Variants in DNAJC11 observed in about 807,000 individuals in gnomAD.
DNAJC11 encodes DnaJ heat shock protein family (Hsp40) member C11.
In DNAJC11, 15 loss-of-function variants were observed where a neutral mutation model predicts 78.6. The ratio of observed to expected loss-of-function variants is 0.19; its 90% confidence interval spans 0.13 to 0.29. The LOEUF is 0.29. Among genes scored for constraint, DNAJC11 ranks in the 10% least tolerant of loss-of-function variants. The pLI, the probability that DNAJC11 is intolerant of heterozygous loss-of-function variation, is 1.00. For synonymous variants in DNAJC11, 292 were observed against 272.1 expected, an observed-to-expected ratio of 1.07 and a Z score of -0.72; for missense variants, 547 against 709.6, an observed-to-expected ratio of 0.77 and a Z score of 2.60.
chr1:6,657,634 T>G (rs1040741517), intron 4 of DNAJC11, among the ~76,000 whole-genome samples: 1 of 152,216 alleles, frequency 6.6e-6, no homozygotes, highest in African/African-American at 2.4e-5. Flanking sequence ...TGTAGATACA[T>G]GCCCCAAATA....
Position 6,634,174 on chromosome 1 carries a change from T to G in DNAJC11, c.*1501A>C. 2 of 1,300,162 alleles carry G rather than the reference T, an allele frequency of 1.5e-6. No homozygotes were observed. Among genetic ancestry groups the G allele is most frequent in the Non-Finnish European group, 1.1e-6 (1 of 913,326 alleles). 80.5% of individuals were successfully genotyped at this position (1,300,162 alleles called of 1,614,324 possible). On this transcript the variant is annotated 3_prime_UTR_variant, in exon 16 of 16. Transcript: ENST00000377577. ...ACACGGAAGAGCGCCAGCCTCTGCT[T>G]TCAGGAAAGGTTTATTGTGGTGAGT...
At chr1:6,659,761 CAA>C (rs1642180560) in intron 4 of DNAJC11, among the ~76,000 whole-genome samples, 1 of 150,016 alleles carries the variant, frequency 6.7e-6, no homozygotes, top group South Asian at 2.1e-4. Context: ...AACTCTGTCT[CAA>C]AAACAATACC....
At chr1:6,643,892 A>T in intron 10 of DNAJC11, among the ~76,000 whole-genome samples, 1 of 151,338 alleles carries the variant, frequency 6.6e-6, no homozygotes, top group African/African-American at 2.4e-5. Context: ...TTTTTTTGAG[A>T]TGGAGTCTCA....
In DNAJC11 at chr1:6,638,315, T is replaced by G. The variant is rs773708089; in HGVS notation, c.1303A>C (p.Lys435Gln). The G allele has an allele frequency of 5.6e-6, 9 of 1,613,220 alleles. No individual in the cohort carries two copies. The highest frequency in any genetic ancestry group is 4.5e-5 in the East Asian group (2 of 44,842). The change falls in exon 12 of 16, where the codon AAG becomes CAG. Residue 435 changes from lysine (K) to glutamine (Q), a missense_variant. Coordinates refer to ENST00000377577, the MANE Select transcript of DNAJC11 (RefSeq NM_018198.4). ...ESAATDVLQK[K>Q]QEAESAVRLM... Reference sequence around the variant, plus strand: ...CTCACAGCGGACTCCGCCTCTTGCTTCTTCTGCAGCACATCGGTGGCGGCG... The same window carrying G: ...CTCACAGCGGACTCCGCCTCTTGCTGCTTCTGCAGCACATCGGTGGCGGCG...
intron 1 of DNAJC11, among the ~76,000 whole-genome samples, chr1:6,690,751 C>T (rs543673510): frequency 3.3e-5 from 5 of 151,912 alleles, no homozygotes; most frequent in Admixed American, 6.6e-5. Context: ...AGTGAAACCC[C>T]GTCTCTACCA....
intron 10 of DNAJC11, among the ~76,000 whole-genome samples, chr1:6,643,407 C>T (rs895689757): frequency 1.3e-5 from 2 of 151,680 alleles, no homozygotes; most frequent in African/African-American, 4.8e-5. Flanking sequence ...TCCCAAGTAG[C>T]AGAGACTACA....
chr1:6,682,463 C>T (rs370780439), intron 1 of DNAJC11, among the ~76,000 whole-genome samples: 6 of 152,116 alleles, frequency 3.9e-5, no homozygotes, highest in East Asian at 1.9e-4. Context: ...ATTGGCCCAT[C>T]GGTCCCACAT....
chr1:6,656,192 C>A (rs1261583120), intron 4 of DNAJC11, among the ~76,000 whole-genome samples: 1 of 148,494 alleles, frequency 6.7e-6, no homozygotes, highest in Non-Finnish European at 1.5e-5. Flanking sequence ...GGGAAAAAAA[C>A]CATACAAAAT....
chr1:6,699,231 A>G (rs532281326), intron 1 of DNAJC11, among the ~76,000 whole-genome samples: 1 of 152,006 alleles, frequency 6.6e-6, no homozygotes, highest in East Asian at 2.0e-4. Context: ...CGGGGAAGTC[A>G]AGGTTGCAGT....
chr1:6,650,746 G>A (rs1570274881), intron 7 of DNAJC11, among the ~76,000 whole-genome samples: 1 of 152,010 alleles, frequency 6.6e-6, no homozygotes, highest in South Asian at 2.1e-4. Flanking sequence ...GGTGGCACAC[G>A]CCTGTAGTCC....
intron 10 of DNAJC11, among the ~76,000 whole-genome samples, chr1:6,643,485 C>T (rs1246067653): frequency 1.3e-5 from 2 of 151,938 alleles, no homozygotes; most frequent in African/African-American, 2.4e-5. Context: ...CCGTGTTAGC[C>T]AGGATGGTCT....
intron 1 of DNAJC11, among the ~76,000 whole-genome samples, chr1:6,683,593 T>C (rs1055071894): frequency 4.3e-4 from 65 of 152,344 alleles, no homozygotes; most frequent in African/African-American, 1.5e-3. Context: ...TGCCTAACAA[T>C]GTCCAGCTCA....
At chr1:6,637,719 C>G in intron 12 of DNAJC11, 1 of 607,288 alleles carries the variant, frequency 1.6e-6, no homozygotes, top group East Asian at 2.8e-5. Flanking sequence ...AGGTGAGAAG[C>G]ACCTGAAACG....
intron 1 of DNAJC11, among the ~76,000 whole-genome samples, chr1:6,693,795 T>C: frequency 6.6e-6 from 1 of 152,068 alleles, no homozygotes; most frequent in East Asian, 1.9e-4. Flanking sequence ...AGCCCCAAAC[T>C]TCTAGGTTCA....
rs548884925 is a variant in DNAJC11, at chr1:6,645,262, C to T, written c.895-136G>A. 110 of 645,686 alleles carry T rather than the reference C, an allele frequency of 1.7e-4. 2 individuals are homozygous for T. The South Asian group carries it at 2.0e-3, about 12-fold the overall frequency. 40.0% of individuals were successfully genotyped at this position (645,686 alleles called of 1,614,324 possible). ...GGCAGGGGTCACGGTCTGGCAGCCG[C>T]AGTGAGTGCACCATGATTTATTAGC... On this transcript the variant is annotated intron_variant, in intron 8 of 15. Transcript: ENST00000377577. This position sits in a 1 kb window ranked among gnomAD's most constrained non-coding sequence, Gnocchi z 4.1.
At position 6,645,083 on chromosome 1, in the gene DNAJC11, T is replaced by C. The variant is rs1287678182; in HGVS notation, c.938A>G (p.Lys313Arg). The part of the protein sequence containing the change: ...HSFALISYQH[K>R]FQDDDQTRVK... The stretch of plus-strand genomic sequence containing the variant: ...ACGAGTCTGATCGTCATCTTGGAAT[T>C]TGTGCTGATAGCTGATCAGTGCAAA... Residue 313 changes from lysine (K) to arginine (R), a missense_variant, in exon 9 of 16, where the codon AAA (lysine) becomes AGA (arginine). Transcript: ENST00000377577. The surrounding 1 kb of genome is among the most constrained non-coding windows in gnomAD (Gnocchi z 4.1). 2 of 1,614,090 alleles carry C rather than the reference T, an allele frequency of 1.2e-6. No individual in the cohort carries two copies. Among genetic ancestry groups the C allele is most frequent in the Middle Eastern group, 1.6e-4 (1 of 6,062 alleles).
At chr1:6,659,221 A>G (rs1012832857) in intron 4 of DNAJC11, among the ~76,000 whole-genome samples, 1 of 152,174 alleles carries the variant, frequency 6.6e-6, no homozygotes, top group Non-Finnish European at 1.5e-5. Context: ...ACATTGGGGA[A>G]ATGGAATGTC....
At chr1:6,649,312 G>A (rs1175304290) in intron 7 of DNAJC11, among the ~76,000 whole-genome samples, 1 of 152,022 alleles carries the variant, frequency 6.6e-6, no homozygotes, top group Non-Finnish European at 1.5e-5. Context: ...TGGGACTAAA[G>A]GCGCCCGCCA....
At chr1:6,639,807 C>A in intron 11 of DNAJC11, 95 bp downstream of exon 11, 1 of 1,385,366 alleles carries the variant, frequency 7.2e-7, no homozygotes, top group Non-Finnish European at 9.7e-7. Context: ...TCCTCATCAC[C>A]CGACGCAGGA....
Sources: gnomAD v4.1 joint callset for allele counts (sites outside exome capture counted in the v4.1 genomes callset) on GRCh38, gnomAD v4.1.1 for gene constraint, Gnocchi (gnomAD v3.1) non-coding constraint, MANE v1.5 for transcripts, NCBI Gene and HGNC (gene_info 2026-07-23, HGNC 2026-07-21) for gene names.